Variants in SEMA5A observed in about 807,000 individuals in gnomAD.
SEMA5A encodes semaphorin 5A.
In SEMA5A, 55 loss-of-function variants were observed where a neutral mutation model predicts 135.5. That is an observed-to-expected ratio of 0.41 (90% CI 0.33 to 0.51). The LOEUF (loss-of-function observed/expected upper bound fraction) is 0.51, where lower values mean the gene tolerates loss of function less well. Among genes scored for constraint, SEMA5A ranks in the 20% least tolerant of loss-of-function variants. The pLI, the probability that SEMA5A is intolerant of heterozygous loss-of-function variation, is 0.37. For missense variants in SEMA5A, 1,290 were observed against 1,419.9 expected (o/e 0.91, Z 1.47); for synonymous variants, 580 against 546.5 (o/e 1.06, Z -0.85).
intron 5 of SEMA5A, among the ~76,000 whole-genome samples, chr5:9,250,746 A>G (rs757555644): frequency 6.6e-6 from 1 of 152,218 alleles, no homozygotes; most frequent in Non-Finnish European, 1.5e-5. Flanking sequence ...TCCTAAGTCA[A>G]GCAAATAAGA....
intron 5 of SEMA5A, among the ~76,000 whole-genome samples, chr5:9,264,931 C>T (rs561436709): frequency 1.1e-4 from 16 of 152,248 alleles, no homozygotes; most frequent in African/African-American, 3.9e-4. Flanking sequence ...AGTTTCTTTA[C>T]CTACTAAGTA....
chr5:9,411,502 G>T (rs1757106076), intron 2 of SEMA5A, among the ~76,000 whole-genome samples: 1 of 152,170 alleles, frequency 6.6e-6, no homozygotes, highest in African/African-American at 2.4e-5. Context: ...AAGAGGCTGA[G>T]CACTTCCCTC....
chr5:9,484,895 A>G (rs1016372283), intron 1 of SEMA5A, among the ~76,000 whole-genome samples: 1 of 152,154 alleles, frequency 6.6e-6, no homozygotes, highest in Non-Finnish European at 1.5e-5. Flanking sequence ...TCAGCGTAGT[A>G]TCTATCCAAC....
At chr5:9,187,640 T>C (rs1033768302) in intron 11 of SEMA5A, among the ~76,000 whole-genome samples, 1 of 152,212 alleles carries the variant, frequency 6.6e-6, no homozygotes, top group Non-Finnish European at 1.5e-5. Context: ...AATCCCAACT[T>C]GTGATTCAAA....
intron 5 of SEMA5A, among the ~76,000 whole-genome samples, chr5:9,270,716 G>T (rs1227900898): frequency 6.6e-6 from 1 of 151,826 alleles, no homozygotes; most frequent in Non-Finnish European, 1.5e-5. Flanking sequence ...GGGGCAGGGG[G>T]AGGAGGGTTT....
chr5:9,154,948 G>T (rs989271479), intron 11 of SEMA5A, among the ~76,000 whole-genome samples: 1 of 152,108 alleles, frequency 6.6e-6, no homozygotes, highest in East Asian at 1.9e-4. Flanking sequence ...AATCATGTCC[G>T]ATTGGACCCT....
At chr5:9,119,373 G>T (rs113357382) in intron 14 of SEMA5A, among the ~76,000 whole-genome samples, 3,158 of 152,228 alleles carry the variant, frequency 0.021, 56 homozygotes, top group African/African-American at 0.054. Flanking sequence ...TGAGAATAAA[G>T]TTTTAAGTGC....
At chr5:9,504,212 C>CAAAAAAAAAAAAAAAAAAAAA (rs370383687) in intron 1 of SEMA5A, among the ~76,000 whole-genome samples, 3 of 118,008 alleles carry the variant, frequency 2.5e-5, no homozygotes, top group African/African-American at 3.3e-5. Flanking sequence ...GACTCCGTCT[C>CAAAAAAAAAAAAAAAAAAAAA]AAAAAAAAAA....
Position 9,429,383 on chromosome 5 carries a change from A to G in SEMA5A, c.-78+8373T>C, listed in dbSNP as rs1757779075. 2.6e-5 allele frequency among the ~76,000 whole-genome samples: 4 copies of G among 152,196 alleles called. No individual in the cohort carries two copies. In the South Asian group the frequency reaches 8.3e-4, roughly 32 times the overall value. ...CAAATAATTATTGGCATCTTATTAC[A>G]TCTTAGTCCCTTACCTCACCTAGGA... On this transcript the variant is annotated intron_variant, in intron 2 of 22. Coordinates refer to ENST00000382496, the MANE Select transcript of SEMA5A (RefSeq NM_003966.3).
intron 5 of SEMA5A, among the ~76,000 whole-genome samples, chr5:9,262,472 A>G (rs1444075044): frequency 1.5e-5 from 1 of 67,592 alleles, no homozygotes; most frequent in Non-Finnish European, 2.8e-5. Flanking sequence ...CACTATTCAC[A>G]ATAGCAAAGA....
chr5:9,064,912 A>G (rs1012090184), intron 17 of SEMA5A, among the ~76,000 whole-genome samples: 9 of 152,222 alleles, frequency 5.9e-5, no homozygotes, highest in African/African-American at 2.2e-4. Context: ...GGAGGTCACA[A>G]GATCATCCTT....
intron 4 of SEMA5A, among the ~76,000 whole-genome samples, chr5:9,321,665 A>C (rs1752632140): frequency 6.6e-6 from 1 of 152,196 alleles, no homozygotes; most frequent in South Asian, 2.1e-4. Context: ...AATGGTGCCA[A>C]CTTCTATGTT....
At chr5:9,064,320 A>C (rs1225923259) in intron 17 of SEMA5A, among the ~76,000 whole-genome samples, 1 of 152,206 alleles carries the variant, frequency 6.6e-6, no homozygotes, top group Non-Finnish European at 1.5e-5. Context: ...ATTGAGATAC[A>C]GAAGAATAAA....
At chr5:9,529,347 G>A (rs1737319018) in intron 1 of SEMA5A, among the ~76,000 whole-genome samples, 1 of 152,204 alleles carries the variant, frequency 6.6e-6, no homozygotes. Context: ...TAGAGGTCAG[G>A]ATCCTACTTG....
Position 9,117,222 on chromosome 5 carries a change from C to T in SEMA5A, c.1925+1776G>A, listed in dbSNP as rs556467737. Among the ~76,000 whole-genome samples the T allele has an allele frequency of 5.3e-5, 8 of 152,260 alleles. No individual in the cohort carries two copies. In the South Asian group the frequency reaches 6.2e-4, roughly 12 times the overall value. On this transcript the variant is annotated intron_variant, in intron 15 of 22. Transcript: ENST00000382496. ...AAAATCCTATGTGGATGCAAACGTA[C>T]GCATATGTTAGCCACAGTGTTAATC... is the stretch of plus-strand genomic sequence containing the variant.
At chr5:9,510,947 G>A (rs894092181) in intron 1 of SEMA5A, among the ~76,000 whole-genome samples, 3 of 152,158 alleles carry the variant, frequency 2.0e-5, no homozygotes, top group African/African-American at 7.2e-5. Flanking sequence ...GGCCTGCCAT[G>A]CCCATTCCAG....
chr5:9,119,620 T>A (rs1740703294), intron 14 of SEMA5A, among the ~76,000 whole-genome samples: 1 of 152,168 alleles, frequency 6.6e-6, no homozygotes, highest in South Asian at 2.1e-4. Flanking sequence ...TCTATTAATA[T>A]CAATGAAAAT....
chr5:9,313,784 G>T (rs1337553583), intron 5 of SEMA5A, among the ~76,000 whole-genome samples: 4 of 152,178 alleles, frequency 2.6e-5, no homozygotes, highest in African/African-American at 7.2e-5. Context: ...TCTTCAGGAA[G>T]AAGATAAATA....
At chr5:9,347,254 G>A (rs967086302) in intron 3 of SEMA5A, among the ~76,000 whole-genome samples, 1 of 152,176 alleles carries the variant, frequency 6.6e-6, no homozygotes, top group Non-Finnish European at 1.5e-5. Context: ...TGTTGAAAGT[G>A]AGTCAAGTGT....
Sources: gnomAD v4.1 joint callset for allele counts (sites outside exome capture counted in the v4.1 genomes callset) on GRCh38, gnomAD v4.1.1 for gene constraint, MANE v1.5 for transcripts, NCBI Gene and HGNC (gene_info 2026-07-23, HGNC 2026-07-21) for gene names.